The following MIGA1 variants were observed in gnomAD, a reference collection of about 807,000 sequenced individuals.
The protein encoded by MIGA1 is mitoguardin 1, also known as family with sequence similarity 73, member A.
MIGA1 carries 58 observed loss-of-function variants against 82.0 expected under a neutral mutation model. That is an observed-to-expected ratio of 0.71 (90% CI 0.57 to 0.88). The LOEUF is 0.88. Ranked by LOEUF, MIGA1 falls within the 40% of genes least tolerant of loss-of-function variation. MIGA1 has a pLI of 0.00. For synonymous variants in MIGA1, 249 were observed against 253.6 expected (o/e 0.98, Z 0.17); for missense variants, 751 against 749.1 (o/e 1.00, Z -0.03).
chr1:77,848,388 C>A (rs1481478918), intron 8 of MIGA1: 2 of 1,004,308 alleles, frequency 2.0e-6, no homozygotes, highest in South Asian at 1.5e-5. Flanking sequence ...AAAGGAAGAG[C>A]GTATGAAAGT....
At chr1:77,870,633 T>C (rs9700992) in intron 14 of MIGA1, among the ~76,000 whole-genome samples, 1 of 149,672 alleles carries the variant, frequency 6.7e-6, no homozygotes, top group Admixed American at 6.6e-5. Flanking sequence ...CCTCATATCC[T>C]AGACGATGGG....
chr1:77,798,442 C>G (rs1682748143), intron 2 of MIGA1, among the ~76,000 whole-genome samples: 1 of 152,190 alleles, frequency 6.6e-6, no homozygotes, highest in Non-Finnish European at 1.5e-5. Context: ...GCAAAAGGTG[C>G]GTCTTCCATG....
intron 2 of MIGA1, among the ~76,000 whole-genome samples, chr1:77,794,777 G>C (rs1241715867): frequency 1.3e-5 from 2 of 152,042 alleles, no homozygotes; most frequent in Admixed American, 6.5e-5. Flanking sequence ...CGCTAGCCTG[G>C]GCAACAGAGC....
At chr1:77,782,366 G>T (rs1033544101) in intron 1 of MIGA1, among the ~76,000 whole-genome samples, 1 of 152,028 alleles carries the variant, frequency 6.6e-6, no homozygotes, top group Non-Finnish European at 1.5e-5. Context: ...CAACATTTTT[G>T]ACTTATTAGT....
At chr1:77,780,673 G>A (rs976478370) in intron 1 of MIGA1, among the ~76,000 whole-genome samples, 1 of 151,992 alleles carries the variant, frequency 6.6e-6, no homozygotes, top group Non-Finnish European at 1.5e-5. Context: ...AATATTTTTG[G>A]TTATGTTTTA....
At chr1:77,846,575 C>G (rs1016723096) in intron 8 of MIGA1, among the ~76,000 whole-genome samples, 2 of 152,008 alleles carry the variant, frequency 1.3e-5, no homozygotes, top group African/African-American at 2.4e-5. Context: ...CTCAAGCAAT[C>G]CTCCCTCGTT....
In MIGA1 at chr1:77,863,908, T is replaced by C; in HGVS notation, c.1389T>C (p.Asn463=). Residue 463 remains asparagine, a synonymous_variant, in exon 13 of 16, where the codon AAT becomes AAC. Transcript: ENST00000370791. Reference sequence around the variant, plus strand: ...ATTTAATGCAGGTGAAAAATCTAAATTTTTATGATGTTGTTCTGGATTTTA... The same window carrying C: ...ATTTAATGCAGGTGAAAAATCTAAACTTTTATGATGTTGTTCTGGATTTTA... The C allele has an allele frequency of 6.4e-7, 1 of 1,562,450 alleles. No homozygotes were observed. Among genetic ancestry groups the C allele is most frequent in the Non-Finnish European group, 8.7e-7 (1 of 1,155,058 alleles).
intron 13 of MIGA1, among the ~76,000 whole-genome samples, chr1:77,865,043 A>G (rs1354608152): frequency 6.6e-6 from 1 of 152,240 alleles, no homozygotes. Context: ...TGTTTTAATA[A>G]TAAAAGGTAC....
At chr1:77,820,648 T>C (rs1264403335) in intron 7 of MIGA1, among the ~76,000 whole-genome samples, 3 of 152,260 alleles carry the variant, frequency 2.0e-5, no homozygotes, top group South Asian at 2.1e-4. Flanking sequence ...ACCTTTCTGA[T>C]CCTGTATTTG....
At chr1:77,829,190 T>C (rs566455777) in intron 7 of MIGA1, among the ~76,000 whole-genome samples, 20 of 152,048 alleles carry the variant, frequency 1.3e-4, no homozygotes, top group African/African-American at 4.3e-4. Context: ...GAGGCCAAGG[T>C]GGGAGGATTG....
At chr1:77,835,964 A>G (rs1347661631) in intron 7 of MIGA1, among the ~76,000 whole-genome samples, 1 of 152,166 alleles carries the variant, frequency 6.6e-6, no homozygotes, top group African/African-American at 2.4e-5. Flanking sequence ...AAGAAAAAAA[A>G]GAAAAAAAGA....
At position 77,779,688 on chromosome 1, in the gene MIGA1, C is replaced by A. The variant is rs1388876219; in HGVS notation, c.33C>A (p.Ser11Arg). The A allele has an allele frequency of 6.3e-7, 1 of 1,585,804 alleles. No homozygotes were observed. The highest frequency in any genetic ancestry group is 1.1e-5 in the South Asian group (1 of 87,130). Residue 11 changes from serine (S) to arginine (R), a missense_variant, in exon 1 of 16, where the codon AGC (serine) becomes AGA (arginine). This residue lies in a region of MIGA1 where 482 missense variants were observed against 439.4 expected (regional missense o/e 1.10). In the 5' UTR this introduces an upstream ATG that the reference lacks. Coordinates refer to ENST00000370791, the MANE Select transcript of MIGA1 (RefSeq NM_198549.4). ...ACTGCTGCTCAGCGCCAGGCATCAG[C>A]TGGGAAGCTGGCGTGGGCAGGCCAG...
chr1:77,819,666 C>T (rs1433488998), intron 7 of MIGA1, among the ~76,000 whole-genome samples: 1 of 152,104 alleles, frequency 6.6e-6, no homozygotes, highest in Admixed American at 6.6e-5. Flanking sequence ...GCAGTACAAC[C>T]TCTGCCTCCT....
At chr1:77,786,426 G>A (rs569301363) in intron 2 of MIGA1, among the ~76,000 whole-genome samples, 1 of 152,298 alleles carries the variant, frequency 6.6e-6, no homozygotes, top group Admixed American at 6.5e-5. Context: ...CTCAGAAAAT[G>A]GAATTTTCTT....
At chr1:77,822,680 G>A (rs866103788) in intron 7 of MIGA1, among the ~76,000 whole-genome samples, 19 of 151,980 alleles carry the variant, frequency 1.3e-4, no homozygotes, top group African/African-American at 4.6e-4. Flanking sequence ...ATTTACTTTA[G>A]AAGAGCCTTA....
In MIGA1 at chr1:77,796,028, C is replaced by A. The variant is rs1235185784; in HGVS notation, c.196-5303C>A. ...GGCTCTCATTAACTATAGTGTATTACTCATAATATATTTACTTATTATAAT... is the reference window on the plus strand; with the variant it reads ...GGCTCTCATTAACTATAGTGTATTAATCATAATATATTTACTTATTATAAT... On this transcript the variant is annotated intron_variant, in intron 2 of 15. Transcript: ENST00000370791. Among the ~76,000 whole-genome samples the A allele has an allele frequency of 7.2e-5, 11 of 152,100 alleles. No homozygotes were observed. The East Asian group carries it at 2.1e-3, about 29-fold the overall frequency.
At chr1:77,796,683 G>A (rs1263519029) in intron 2 of MIGA1, among the ~76,000 whole-genome samples, 1 of 152,188 alleles carries the variant, frequency 6.6e-6, no homozygotes, top group African/African-American at 2.4e-5. Context: ...GCAAAACACT[G>A]TCACTTAGGT....
chr1:77,803,403 C>T lies in MIGA1; in HGVS notation c.507C>T (p.Ala169=). 2 of 1,497,124 alleles carry T rather than the reference C, an allele frequency of 1.3e-6. No individual in the cohort carries two copies. Among genetic ancestry groups the T allele is most frequent in the Non-Finnish European group, 1.8e-6 (2 of 1,121,144 alleles). The allele number at this position is 1,497,124 out of a possible 1,614,324, so 92.7% of individuals were successfully genotyped here. The change falls in exon 4 of 16, where the codon GCC becomes GCT. Residue 169 remains alanine, a synonymous_variant. Transcript: ENST00000370791. ...ATTCAGGTTCTGCACAGAGTTTGGC[C>T]TCTGTAAGTACAGAAAAAATATTAA...
intron 14 of MIGA1, among the ~76,000 whole-genome samples, chr1:77,866,716 C>G (rs1209740342): frequency 7.4e-6 from 1 of 135,820 alleles, no homozygotes; most frequent in African/African-American, 2.8e-5. Context: ...GACAGTCTGT[C>G]TCTGTTGTCC....
Sources: gnomAD v4.1 joint callset for allele counts (sites outside exome capture counted in the v4.1 genomes callset) on GRCh38, gnomAD v4.1.1 for gene constraint, gnomAD v4.1.1 regional missense constraint, MANE v1.5 for transcripts, NCBI Gene and HGNC (gene_info 2026-07-23, HGNC 2026-07-21) for gene names.